The following RPF2 variants were observed in gnomAD, a reference collection of about 807,000 sequenced individuals.
The protein encoded by RPF2 is brix domain containing 1.
In RPF2, 21 loss-of-function variants were observed where a neutral mutation model predicts 38.9. That is an observed-to-expected ratio of 0.54 (90% CI 0.38 to 0.78). The LOEUF (loss-of-function observed/expected upper bound fraction) is 0.78, where lower values mean the gene tolerates loss of function less well. RPF2 is among the 30% of genes least tolerant of loss of function. The pLI, the probability that RPF2 is intolerant of heterozygous loss-of-function variation, is 0.00. For synonymous variants in RPF2, 121 were observed against 126.2 expected (o/e 0.96, Z 0.28); for missense variants, 314 against 358.1 (o/e 0.88, Z 0.99).
At chr6:111,023,616 G>A (rs1368963082) in intron 8 of RPF2, among the ~76,000 whole-genome samples, 1 of 151,862 alleles carries the variant, frequency 6.6e-6, no homozygotes, top group Non-Finnish European at 1.5e-5. Flanking sequence ...TAAGCAAACT[G>A]CCCTTGACCT....
chr6:110,986,200 A>G (rs966254225), intron 2 of RPF2, among the ~76,000 whole-genome samples: 1 of 152,334 alleles, frequency 6.6e-6, no homozygotes, highest in East Asian at 1.9e-4. Context: ...ACATAGTAAC[A>G]TGAAATTTGA....
intron 6 of RPF2, among the ~76,000 whole-genome samples, chr6:111,001,515 C>T (rs1193180744): frequency 6.6e-6 from 1 of 151,934 alleles, no homozygotes; most frequent in East Asian, 1.9e-4. Context: ...GTAACTGGGA[C>T]TATAGGTGTG....
At position 110,984,334 on chromosome 6, in the gene RPF2, A is replaced by G. The variant is rs59410724; in HGVS notation, c.24-672A>G. Among the ~76,000 whole-genome samples, 5,802 of 152,200 alleles carry G rather than the reference A, an allele frequency of 0.038. 519 individuals are homozygous for G. In the East Asian group the frequency reaches 0.41, roughly 11 times the overall value. On this transcript the variant is annotated intron_variant, in intron 1 of 9. Transcript: ENST00000441448. Reference sequence around the variant, plus strand: ...TACAGGATACAGTTTGACTACTTAAAGTTTGAAGAAAAAAGAAGAGTAAGA... The same window carrying G: ...TACAGGATACAGTTTGACTACTTAAGGTTTGAAGAAAAAAGAAGAGTAAGA...
At chr6:110,993,129 G>A (rs1007796705) in intron 4 of RPF2, among the ~76,000 whole-genome samples, 3 of 152,010 alleles carry the variant, frequency 2.0e-5, no homozygotes, top group Non-Finnish European at 4.4e-5. Context: ...AATTTTTGTA[G>A]AGATAGGGCT....
intron 7 of RPF2, among the ~76,000 whole-genome samples, chr6:111,015,369 T>A (rs1435113207): frequency 6.6e-6 from 1 of 152,224 alleles, no homozygotes; most frequent in Admixed American, 6.5e-5. Context: ...TTAAGGCTAA[T>A]TTGATTTTAA....
rs1772314818 is a variant in RPF2 at position 111,025,601 on chromosome 6, TAC to T, written c.*20_*21del. On this transcript the variant is annotated 3_prime_UTR_variant, in exon 10 of 10. Coordinates refer to ENST00000441448, the MANE Select transcript of RPF2 (RefSeq NM_032194.3). Reference sequence around the variant, plus strand: ...AAATTGATGGAACTTAGCCAGCCACTACTGTTTCATTGTGTTCTACTTAAGAG... The same window carrying T: ...AAATTGATGGAACTTAGCCAGCCACTTGTTTCATTGTGTTCTACTTAAGAG... 1.9e-6 allele frequency: 3 copies of T among 1,583,922 alleles called. No individual in the cohort carries two copies. In the South Asian group the frequency reaches 3.5e-5, roughly 18 times the overall value.
chr6:111,002,076 T>G (rs980853907), intron 6 of RPF2, among the ~76,000 whole-genome samples: 2 of 152,142 alleles, frequency 1.3e-5, no homozygotes, highest in East Asian at 3.9e-4. Context: ...GCTCAGGAGT[T>G]TGAGACCAAC....
chr6:111,008,098 G>A lies in RPF2; in HGVS notation c.454G>A (p.Val152Ile), dbSNP rs772062920. Residue 152 changes from valine to isoleucine, a missense_variant, in exon 7 of 10, where the codon GTA becomes ATA. Physicochemically the swap from Val to Ile is conservative, Grantham distance 29 (BLOSUM62 3). Coordinates refer to ENST00000441448, the MANE Select transcript of RPF2 (RefSeq NM_032194.3). The stretch of plus-strand genomic sequence containing the variant: ...GATATTTGCTGGCGATGATTTCGAT[G>A]TAACAGAAGATTATAGAAGACTAAA... Reference protein sequence around the residue: ...MLIFAGDDFDVTEDYRRLKSL... With the variant: ...MLIFAGDDFDITEDYRRLKSL... 1.3e-6 allele frequency: 2 copies of A among 1,595,734 alleles called. No individual in the cohort carries two copies. Among genetic ancestry groups the A allele is most frequent in the Non-Finnish European group, 1.7e-6 (2 of 1,171,560 alleles).
At chr6:111,014,141 G>GT (rs112613781) in intron 7 of RPF2, among the ~76,000 whole-genome samples, 3,032 of 137,536 alleles carry the variant, frequency 0.022, 76 homozygotes, top group African/African-American at 0.068. Context: ...TGTTTTTTGG[G>GT]TTTTTTTTTT....
chr6:111,004,536 A>G (rs1771875306), intron 6 of RPF2, among the ~76,000 whole-genome samples: 2 of 149,504 alleles, frequency 1.3e-5, no homozygotes, highest in Admixed American at 6.7e-5. Context: ...TGCTGTATGT[A>G]TTAAGTATTG....
rs1160306089 is a variant in RPF2 at position 111,026,830 on chromosome 6, G to A, written c.*1248G>A. ...ATACAAGTGCCAGTAATGTTGTAAA[G>A]GTACAGACATACGCAAATCATAATT... On this transcript the variant is annotated 3_prime_UTR_variant, in exon 10 of 10. Transcript: ENST00000441448. 2.6e-5 allele frequency: 4 copies of A among 152,182 alleles called. No homozygotes were observed. Among genetic ancestry groups the A allele is most frequent in the Non-Finnish European group, 4.4e-5 (3 of 68,036 alleles). 9.4% of individuals were successfully genotyped at this position (152,182 alleles called of 1,614,324 possible). A position where few individuals can be genotyped will look rare whatever the true frequency, so the allele number is the denominator to read the frequency against.
chr6:110,994,252 G>A (rs1424426185), intron 4 of RPF2, among the ~76,000 whole-genome samples: 1 of 150,106 alleles, frequency 6.7e-6, no homozygotes, highest in Admixed American at 6.7e-5. Context: ...TCCAGCCTGG[G>A]CAACAAGAGT....
intron 8 of RPF2, among the ~76,000 whole-genome samples, chr6:111,023,003 A>C (rs1772261193): frequency 1.3e-5 from 2 of 152,196 alleles, no homozygotes; most frequent in South Asian, 4.1e-4. Context: ...GGTTTAAGCG[A>C]TTCTCCTGCC....
chr6:111,004,799 C>T (rs1341835234), intron 6 of RPF2, among the ~76,000 whole-genome samples: 1 of 151,836 alleles, frequency 6.6e-6, no homozygotes, highest in Non-Finnish European at 1.5e-5. Context: ...GGACTCCTCA[C>T]CTCAAGTGAT....
At position 111,028,149 on chromosome 6, in the gene RPF2, G is replaced by GT. The variant is rs998247191; in HGVS notation, c.*2574dup. ...ATGGAATTTGGGTTTCTTTTTTTTT[G>GT]TTTTTTTAAAATTAAGTGCTGTTTG... On this transcript the variant is annotated 3_prime_UTR_variant, in exon 10 of 10. Transcript: ENST00000441448. 1.3e-5 allele frequency: 2 copies of GT among 149,252 alleles called. No homozygotes were observed. The highest frequency in any genetic ancestry group is 2.5e-5 in the African/African-American group (1 of 40,618). The allele number at this position is 149,252 out of a possible 1,614,324, so 9.2% of individuals were successfully genotyped here. A position where few individuals can be genotyped will look rare whatever the true frequency, so the allele number is the denominator to read the frequency against.
In RPF2 at chr6:110,985,794, C is replaced by T. The variant is rs185691299; in HGVS notation, c.156+656C>T. ...CTCTACTAAAAGTACAAAAATTAGC[C>T]GGGTGTGGTGGCGGGCGCCTGTAGT... is the stretch of plus-strand genomic sequence containing the variant. On this transcript the variant is annotated intron_variant, in intron 2 of 9. Coordinates refer to ENST00000441448, the MANE Select transcript of RPF2 (RefSeq NM_032194.3). Among the ~76,000 whole-genome samples the T allele has an allele frequency of 5.9e-3, 901 of 152,012 alleles. 2 individuals are homozygous for T. The highest frequency in any genetic ancestry group is 9.8e-3 in the Non-Finnish European group (668 of 67,974).
At chr6:111,016,161 C>G (rs1310728629) in intron 8 of RPF2, among the ~76,000 whole-genome samples, 1 of 152,162 alleles carries the variant, frequency 6.6e-6, no homozygotes, top group South Asian at 2.1e-4. Flanking sequence ...AGCCACAAAT[C>G]CTTGGCTAGG....
At chr6:111,022,512 T>C (rs1308683631) in intron 8 of RPF2, among the ~76,000 whole-genome samples, 1 of 152,212 alleles carries the variant, frequency 6.6e-6, no homozygotes, top group African/African-American at 2.4e-5. Context: ...CAGAAAAGTA[T>C]GACATTGTAC....
intron 5 of RPF2, among the ~76,000 whole-genome samples, chr6:110,998,862 T>A (rs1410521724): frequency 2.0e-5 from 3 of 151,856 alleles, no homozygotes; most frequent in East Asian, 3.9e-4. Flanking sequence ...GGAGAATTGT[T>A]TGAACCAGGG....
Sources: gnomAD v4.1 joint callset for allele counts (sites outside exome capture counted in the v4.1 genomes callset) on GRCh38, gnomAD v4.1.1 for gene constraint, MANE v1.5 for transcripts, NCBI Gene and HGNC (gene_info 2026-07-23, HGNC 2026-07-21) for gene names.